Variants in MACROD2 observed in about 807,000 individuals in gnomAD.
MACROD2 encodes the protein ADP-ribose glycohydrolase MACROD2.
A neutral mutation model predicts 70.4 loss-of-function variants in MACROD2; 36 were observed. The ratio of observed to expected loss-of-function variants is 0.51; its 90% CI spans 0.39 to 0.68. MACROD2 has a LOEUF of 0.68. Ranked by LOEUF, MACROD2 falls within the 30% of genes least tolerant of loss-of-function variation. The pLI, the probability that MACROD2 is intolerant of heterozygous loss-of-function variation, is 0.00. For missense variants in MACROD2, 496 were observed against 538.4 expected, an observed-to-expected ratio of 0.92 and a Z score of 0.78; for synonymous variants, 172 against 178.8, an observed-to-expected ratio of 0.96 and a Z score of 0.30.
chr20:14,992,726 T>A (rs2074915811), intron 5 of MACROD2, among the ~76,000 whole-genome samples: 2 of 152,216 alleles, frequency 1.3e-5, no homozygotes, highest in African/African-American at 4.8e-5. Flanking sequence ...TTAGAACTTT[T>A]AGACATGCAT....
chr20:15,041,932 A>G (rs1416060712), intron 5 of MACROD2, among the ~76,000 whole-genome samples: 1 of 152,186 alleles, frequency 6.6e-6, no homozygotes, highest in African/African-American at 2.4e-5. Context: ...TCATCAAAAG[A>G]TGGAAAAACA....
intron 3 of MACROD2, among the ~76,000 whole-genome samples, chr20:14,242,241 T>A (rs1410846503): frequency 6.6e-6 from 1 of 152,184 alleles, no homozygotes; most frequent in Non-Finnish European, 1.5e-5. Context: ...TTTTTTGTTT[T>A]TATATTCAGT....
intron 3 of MACROD2, among the ~76,000 whole-genome samples, chr20:14,380,688 A>G (rs1226741291): frequency 2.6e-5 from 4 of 152,098 alleles, no homozygotes; most frequent in Non-Finnish European, 5.9e-5. Flanking sequence ...TGGTCTCTTC[A>G]TACCCTTGCC....
chr20:15,803,013 G>T (rs2063739743), intron 8 of MACROD2, among the ~76,000 whole-genome samples: 1 of 151,986 alleles, frequency 6.6e-6, no homozygotes, highest in Non-Finnish European at 1.5e-5. Flanking sequence ...GATTAAATTG[G>T]TAATAAAAGG....
chr20:14,977,143 A>G (rs1394839559), intron 5 of MACROD2, among the ~76,000 whole-genome samples: 1 of 152,088 alleles, frequency 6.6e-6, no homozygotes, highest in Non-Finnish European at 1.5e-5. Context: ...GTCAGAACTG[A>G]CATTATTGTC....
At chr20:14,226,928 A>G (rs2081742661) in intron 3 of MACROD2, among the ~76,000 whole-genome samples, 1 of 152,252 alleles carries the variant, frequency 6.6e-6, no homozygotes, top group Non-Finnish European at 1.5e-5. Context: ...CTCCACCTGC[A>G]GCCCCAGTGC....
At chr20:15,747,547 G>C (rs2051202452) in intron 8 of MACROD2, among the ~76,000 whole-genome samples, 1 of 152,130 alleles carries the variant, frequency 6.6e-6, no homozygotes, top group Non-Finnish European at 1.5e-5. Flanking sequence ...TTTTTAAATA[G>C]TATTGTTATG....
chr20:15,770,259 T>G (rs2051602576), intron 8 of MACROD2, among the ~76,000 whole-genome samples: 1 of 152,002 alleles, frequency 6.6e-6, no homozygotes, highest in African/African-American at 2.4e-5. Flanking sequence ...ATTTTACCTC[T>G]TCTTCTTTAT....
At chr20:15,179,270 G>T (rs1365011151) in intron 5 of MACROD2, among the ~76,000 whole-genome samples, 2 of 152,100 alleles carry the variant, frequency 1.3e-5, no homozygotes, top group Non-Finnish European at 2.9e-5. Flanking sequence ...CCTCATGCTT[G>T]TGCTAGCTTA....
chr20:15,713,987 G>GCACACACGCGCACACA (rs1555868660), intron 8 of MACROD2, among the ~76,000 whole-genome samples: 4 of 117,698 alleles, frequency 3.4e-5, no homozygotes, highest in African/African-American at 1.1e-4. Flanking sequence ...ACACACATAT[G>GCACACACGCGCACACA]CACACACACA....
chr20:14,113,136 C>A (rs534232003), intron 3 of MACROD2, among the ~76,000 whole-genome samples: 311 of 152,036 alleles, frequency 2.0e-3, no homozygotes, highest in South Asian at 3.5e-3. Flanking sequence ...CTCTAGTTTA[C>A]CTTTTTAGTT....
Position 16,052,884 on chromosome 20 carries a change from T to A in MACROD2, c.*3008T>A, listed in dbSNP as rs553753780. 5.2e-5 allele frequency: 8 copies of A among 152,746 alleles called. No individual in the cohort carries two copies. The East Asian group carries it at 1.5e-3, about 29-fold the overall frequency. 9.5% of individuals were successfully genotyped at this position (152,746 alleles called of 1,614,324 possible). A position where few individuals can be genotyped will look rare whatever the true frequency, so the allele number is the denominator to read the frequency against. ...TACATGATTCATTAAGGATTTGCCTTACCCTGACATTTGTGATATAAAGGA... is the reference window on the plus strand; with the variant it reads ...TACATGATTCATTAAGGATTTGCCTAACCCTGACATTTGTGATATAAAGGA... On this transcript the variant is annotated 3_prime_UTR_variant, in exon 18 of 18. Coordinates refer to ENST00000684519, the MANE Select transcript of MACROD2 (RefSeq NM_001351661.2).
At chr20:15,924,613 G>A (rs1345855793) in intron 10 of MACROD2, among the ~76,000 whole-genome samples, 2 of 152,100 alleles carry the variant, frequency 1.3e-5, no homozygotes, top group East Asian at 3.9e-4. Context: ...CTCCTAAAGG[G>A]AAAGGCTTTT....
intron 4 of MACROD2, among the ~76,000 whole-genome samples, chr20:14,655,576 A>G (rs560105019): frequency 6.6e-6 from 1 of 152,220 alleles, no homozygotes; most frequent in East Asian, 1.9e-4. Context: ...TTGCTAAGCT[A>G]TAAGAGGAAT....
chr20:15,336,861 G>C (rs1424630019), intron 6 of MACROD2, among the ~76,000 whole-genome samples: 2 of 151,718 alleles, frequency 1.3e-5, no homozygotes, highest in African/African-American at 4.9e-5. Context: ...CATGTGTGAG[G>C]TGAGGAGGGT....
intron 8 of MACROD2, among the ~76,000 whole-genome samples, chr20:15,703,955 A>G (rs1160265984): frequency 1.3e-5 from 2 of 152,202 alleles, no homozygotes; most frequent in East Asian, 1.9e-4. Context: ...ATCACACTCT[A>G]TTATTTCAGC....
intron 3 of MACROD2, among the ~76,000 whole-genome samples, chr20:14,322,202 T>TATATATATATATATATATATATATATATA (rs1568553958): frequency 1.9e-5 from 1 of 53,742 alleles, no homozygotes; most frequent in Non-Finnish European, 4.6e-5. Context: ...ATATATATAT[T>TATATATATATATATATATATATATATATA]TTGTATTTTG....
intron 5 of MACROD2, among the ~76,000 whole-genome samples, chr20:15,180,981 A>G (rs545686094): frequency 6.6e-6 from 1 of 152,306 alleles, no homozygotes; most frequent in African/African-American, 2.4e-5. Flanking sequence ...CAGTGGTCCC[A>G]TTAATTTAGT....
intron 8 of MACROD2, among the ~76,000 whole-genome samples, chr20:15,679,552 T>C (rs6034257): frequency 0.38 from 57,743 of 152,068 alleles, 11,666 homozygotes; most frequent in East Asian, 0.78. Flanking sequence ...GAAGTGATGC[T>C]GTGCAGGTTC....
Sources: allele counts gnomAD v4.1 joint callset (sites outside exome capture counted in the v4.1 genomes callset), GRCh38; gene constraint gnomAD v4.1.1; transcripts MANE v1.5; gene names NCBI Gene and HGNC (gene_info 2026-07-23, HGNC 2026-07-21).